GPR107: variants seen among roughly 807,000 people sequenced by gnomAD.
The protein encoded by GPR107 is G protein-coupled receptor 107, also known as protein GPR107.
Under a neutral mutation model 75.5 loss-of-function variants are expected in GPR107, and 31 were observed. The ratio of observed to expected loss-of-function variants is 0.41; its 90% CI spans 0.31 to 0.55. GPR107 has a LOEUF of 0.55. GPR107 is among the 20% of genes least tolerant of loss of function. GPR107 has a pLI of 0.26. For missense variants in GPR107, 572 were observed against 665.7 expected (o/e 0.86, Z 1.55); for synonymous variants, 267 against 251.3 (o/e 1.06, Z -0.59).
intron 1 of GPR107, among the ~76,000 whole-genome samples, chr9:130,063,225 C>G (rs1190143980): frequency 6.6e-6 from 1 of 151,568 alleles, no homozygotes; most frequent in East Asian, 1.9e-4. Flanking sequence ...GAGTCTCGCT[C>G]TGTCGCCCAG....
At position 130,135,423 on chromosome 9, in the gene GPR107, T is replaced by C; in HGVS notation, c.*302T>C. 3.4e-6 allele frequency: 1 copy of C among 292,450 alleles called. No individual in the cohort carries two copies. Among genetic ancestry groups the C allele is most frequent in the Non-Finnish European group, 6.4e-6 (1 of 155,068 alleles). The allele number at this position is 292,450 out of a possible 1,614,324, so 18.1% of individuals were successfully genotyped here. Reference sequence around the variant, plus strand: ...TTAATTTAGGTTTCTTTTTTTCTTCTTCATTTCGGAGCTCTAAGGTGTATG... The same window carrying C: ...TTAATTTAGGTTTCTTTTTTTCTTCCTCATTTCGGAGCTCTAAGGTGTATG... On this transcript the variant is annotated 3_prime_UTR_variant, in exon 18 of 18. Coordinates refer to ENST00000347136, the MANE Select transcript of GPR107 (RefSeq NM_020960.5).
Position 130,135,184 on chromosome 9 carries a change from G to T in GPR107, c.*63G>T. ...TGTTAACTTATTCATAGTCCTATTGGACAGCAGGAGCAGCTCCTACAGTGA... is the reference window on the plus strand; with the variant it reads ...TGTTAACTTATTCATAGTCCTATTGTACAGCAGGAGCAGCTCCTACAGTGA... On this transcript the variant is annotated 3_prime_UTR_variant, in exon 18 of 18. Transcript: ENST00000347136. The T allele has an allele frequency of 6.0e-6, 5 of 836,926 alleles. No homozygotes were observed. The highest frequency in any genetic ancestry group is 9.4e-6 in the Non-Finnish European group (5 of 530,924). The allele number at this position is 836,926 out of a possible 1,614,324, so 51.8% of individuals were successfully genotyped here.
rs564036395 is a variant in GPR107, at chr9:130,085,735, T to C, written c.565-685T>C. 6.0e-5 allele frequency among the ~76,000 whole-genome samples: 9 copies of C among 148,828 alleles called. No homozygotes were observed. In the East Asian group the frequency reaches 1.8e-3, roughly 30 times the overall value. ...TTCTTTTCATTGCTCAGTTTTACTG[T>C]ATAAATGGCAATATTTTGATTTTTT... On this transcript the variant is annotated intron_variant, in intron 6 of 17. Coordinates refer to ENST00000347136, the MANE Select transcript of GPR107 (RefSeq NM_020960.5).
rs1191163896 is a variant in GPR107 at position 130,103,411 on chromosome 9, A to G, written c.1132-1009A>G. Reference sequence around the variant, plus strand: ...TCTCATGGGGTATATAGGTGGAATGATAACCTCTGCATCCATTCCCAGTGG... The same window carrying G: ...TCTCATGGGGTATATAGGTGGAATGGTAACCTCTGCATCCATTCCCAGTGG... On this transcript the variant is annotated intron_variant, in intron 12 of 17. Coordinates refer to ENST00000347136, the MANE Select transcript of GPR107 (RefSeq NM_020960.5). The surrounding 1 kb of genome is among the most constrained non-coding windows in gnomAD (Gnocchi z 4.3). 6.6e-6 allele frequency among the ~76,000 whole-genome samples: 1 copy of G among 152,202 alleles called. No individual in the cohort carries two copies.
intron 6 of GPR107, among the ~76,000 whole-genome samples, chr9:130,085,071 AG>A (rs1457544411): frequency 1.3e-5 from 2 of 152,188 alleles, no homozygotes; most frequent in Admixed American, 6.5e-5. Flanking sequence ...CAAGCAATAG[AG>A]GAATTGATGA....
Position 130,100,719 on chromosome 9 carries a change from A to G in GPR107, c.1013+17A>G, listed in dbSNP as rs751476519. ...AACTCACCTGTAAGTATGCAGGTCCATGTGAAATACACCATGAAATGACAT... is the reference window on the plus strand; with the variant it reads ...AACTCACCTGTAAGTATGCAGGTCCGTGTGAAATACACCATGAAATGACAT... On this transcript the variant is annotated intron_variant, in intron 11 of 17. Transcript: ENST00000347136. 3.2e-6 allele frequency: 5 copies of G among 1,549,668 alleles called. No individual in the cohort carries two copies. Among genetic ancestry groups the G allele is most frequent in the Non-Finnish European group, 4.5e-6 (5 of 1,121,104 alleles).
chr9:130,073,402 T>C (rs994797199), intron 1 of GPR107, among the ~76,000 whole-genome samples: 3 of 152,202 alleles, frequency 2.0e-5, no homozygotes, highest in Admixed American at 6.5e-5. Context: ...TTTAATTCTC[T>C]CAGAGAATTC....
Position 130,101,159 on chromosome 9 carries a change from C to T in GPR107, c.1067C>T (p.Ala356Val). 1 of 1,610,738 alleles carries T rather than the reference C, an allele frequency of 6.2e-7. No individual in the cohort carries two copies. The highest frequency in any genetic ancestry group is 1.1e-5 in the South Asian group (1 of 91,006). ...ATTGCACTCATTGGCACTGGCTGGGCTTTCATTAAGCACATCCTTTCTGAT... is the reference window on the plus strand; with the variant it reads ...ATTGCACTCATTGGCACTGGCTGGGTTTTCATTAAGCACATCCTTTCTGAT... ...ITIALIGTGW[A>V]FIKHILSDKD... is the part of the protein sequence containing the mutation. The change falls in exon 12 of 18, where the codon GCT (alanine) becomes GTT (valine). Residue 356 changes from alanine to valine, a missense_variant. Ala to Val is a moderately conservative substitution (Grantham distance 64). Transcript: ENST00000347136.
At position 130,139,279 on chromosome 9, in the gene GPR107, A is replaced by G. The variant is rs1832035916; in HGVS notation, c.*4158A>G. Reference sequence around the variant, plus strand: ...CATCCAGAAAGTACCAAATGTTCTGAAAGACCCGCTCTTCACTCCAGTTTT... The same window carrying G: ...CATCCAGAAAGTACCAAATGTTCTGGAAGACCCGCTCTTCACTCCAGTTTT... On this transcript the variant is annotated 3_prime_UTR_variant, in exon 18 of 18. Coordinates refer to ENST00000347136, the MANE Select transcript of GPR107 (RefSeq NM_020960.5). 6.6e-6 allele frequency: 1 copy of G among 152,202 alleles called. No individual in the cohort carries two copies. The highest frequency in any genetic ancestry group is 1.5e-5 in the Non-Finnish European group (1 of 68,044). The allele number at this position is 152,202 out of a possible 1,614,324, so 9.4% of individuals were successfully genotyped here.
At chr9:130,109,567 C>CTTTT (rs1554896235) in intron 14 of GPR107, among the ~76,000 whole-genome samples, 1 of 26,234 alleles carries the variant, frequency 3.8e-5, no homozygotes, top group African/African-American at 1.2e-4. Flanking sequence ...TAGTCTTTTT[C>CTTTT]TTTCTTTTTT....
At chr9:130,114,051 A>ATTTTTTTTTTTTTT (rs35152076) in intron 14 of GPR107, among the ~76,000 whole-genome samples, 1 of 81,192 alleles carries the variant, frequency 1.2e-5, no homozygotes, top group South Asian at 4.3e-4. Context: ...TTTTTTTTTC[A>ATTTTTTTTTTTTTT]TTTTTTTTTT....
At chr9:130,134,030 T>A (rs12000697) in intron 17 of GPR107, among the ~76,000 whole-genome samples, 48,789 of 152,052 alleles carry the variant, frequency 0.32, 9,105 homozygotes, top group Non-Finnish European at 0.43. Context: ...ATGGGTTGGG[T>A]CCTTGGAAAG....
At chr9:130,079,234 A>T (rs1830434558) in intron 4 of GPR107, among the ~76,000 whole-genome samples, 1 of 152,202 alleles carries the variant, frequency 6.6e-6, no homozygotes. Context: ...AAGTGCTGAG[A>T]TTACAGGCGT....
rs137989314 is a variant in GPR107, at chr9:130,081,886, A to G, written c.527-1679A>G. ...CAACCACCACCACCGAAAAACAACA[A>G]CAACAACAAAAAAAGAAGAGGTTTA... On this transcript the variant is annotated intron_variant, in intron 5 of 17. Coordinates refer to ENST00000347136, the MANE Select transcript of GPR107 (RefSeq NM_020960.5). 5.2e-3 allele frequency among the ~76,000 whole-genome samples: 785 copies of G among 152,094 alleles called. 28 individuals are homozygous for G. The East Asian group carries it at 0.093, about 18-fold the overall frequency.
chr9:130,091,004 G>A, intron 8 of GPR107, 21 bp downstream of exon 8: 1 of 952,784 alleles, frequency 1.0e-6, no homozygotes, highest in Non-Finnish European at 1.7e-6. Flanking sequence ...TTTGGAGATT[G>A]TTCTACGTGG....
At chr9:130,062,420 G>GATGATA (rs748496680) in intron 1 of GPR107, among the ~76,000 whole-genome samples, 95 of 139,876 alleles carry the variant, frequency 6.8e-4, no homozygotes, top group Non-Finnish European at 1.1e-3. Context: ...TCTCGAAAAT[G>GATGATA]ATAATAATAA....
At chr9:130,118,645 C>T (rs186958022) in intron 14 of GPR107, among the ~76,000 whole-genome samples, 25 of 152,024 alleles carry the variant, frequency 1.6e-4, no homozygotes, top group African/African-American at 5.5e-4. Context: ...GTGGACATGA[C>T]ACCCTCCCCA....
intron 9 of GPR107, 22 bp downstream of exon 9, chr9:130,092,403 C>G (rs748119147): frequency 3.8e-6 from 6 of 1,598,842 alleles, no homozygotes; most frequent in Admixed American, 1.7e-5. Flanking sequence ...CTCCCTTCAA[C>G]TTAAGAGTGT....
intron 14 of GPR107, among the ~76,000 whole-genome samples, chr9:130,118,043 G>GT: frequency 6.6e-6 from 1 of 152,204 alleles, no homozygotes; most frequent in East Asian, 1.9e-4. Flanking sequence ...AGCATGAAGC[G>GT]TAGGTGTTAA....
Sources: allele counts gnomAD v4.1 joint callset (sites outside exome capture counted in the v4.1 genomes callset), GRCh38; gene constraint gnomAD v4.1.1; non-coding constraint Gnocchi (gnomAD v3.1); transcripts MANE v1.5; gene names NCBI Gene and HGNC (gene_info 2026-07-23, HGNC 2026-07-21).